IL1R2: variants seen among roughly 807,000 people sequenced by gnomAD.
IL1R2 encodes the protein interleukin 1 receptor type 2.
Under a neutral mutation model 39.5 loss-of-function variants are expected in IL1R2, and 46 were observed. The ratio of observed to expected loss-of-function variants is 1.16; its 90% CI spans 0.92 to 1.49. IL1R2 has a LOEUF of 1.49. Among genes scored for constraint, IL1R2 ranks in the 40% most tolerant of loss-of-function variants. The pLI, the probability that IL1R2 is intolerant of heterozygous loss-of-function variation, is 0.00. For synonymous variants in IL1R2, 207 were observed against 189.6 expected (o/e 1.09, Z -0.75); for missense variants, 537 against 502.0 (o/e 1.07, Z -0.67).
intron 3 of IL1R2, chr2:102,010,127 A>C: frequency 2.5e-6 from 1 of 393,184 alleles, no homozygotes; most frequent in South Asian, 3.2e-5. Context: ...AGATTTTCCC[A>C]TCTGACACAT....
chr2:102,001,502 A>G (rs550380191), intron 1 of IL1R2, among the ~76,000 whole-genome samples: 2 of 152,278 alleles, frequency 1.3e-5, no homozygotes, highest in East Asian at 1.9e-4. Flanking sequence ...ATTCTGACAC[A>G]GCTATGCAGA....
At position 102,007,623 on chromosome 2, in the gene IL1R2, A is replaced by G. The variant is rs535435675; in HGVS notation, c.-61-892A>G. Among the ~76,000 whole-genome samples, 13 of 152,360 alleles carry G rather than the reference A, an allele frequency of 8.5e-5. No individual in the cohort carries two copies. The East Asian group carries it at 2.5e-3, about 29-fold the overall frequency. The stretch of plus-strand genomic sequence containing the variant: ...TGCCCAGGAGAAAAAACATGGAATC[A>G]CAGAAAAAGCAGTCTGTGGTCTGTG... On this transcript the variant is annotated intron_variant, in intron 1 of 8. Transcript: ENST00000332549.
At chr2:102,023,922 T>G (rs1001002889) in intron 6 of IL1R2, among the ~76,000 whole-genome samples, 2 of 151,600 alleles carry the variant, frequency 1.3e-5, no homozygotes, top group Non-Finnish European at 2.9e-5. Flanking sequence ...TGGTGGCGGG[T>G]GCCCGGGTCC....
At chr2:101,996,909 CA>C (rs33964533) in intron 1 of IL1R2, among the ~76,000 whole-genome samples, 54,677 of 151,782 alleles carry the variant, frequency 0.36, 11,652 homozygotes, top group African/African-American at 0.58. Context: ...CCCACTAGGG[CA>C]GGGGAATTAA....
intron 1 of IL1R2, among the ~76,000 whole-genome samples, chr2:102,005,221 G>C (rs1676188832): frequency 6.6e-6 from 1 of 152,188 alleles, no homozygotes; most frequent in Non-Finnish European, 1.5e-5. Context: ...CTGACCCTGA[G>C]AGAATGTGAG....
Position 102,003,858 on chromosome 2 carries a change from T to G in IL1R2, c.-61-4657T>G, listed in dbSNP as rs546815494. On this transcript the variant is annotated intron_variant, in intron 1 of 8. Coordinates refer to ENST00000332549, the MANE Select transcript of IL1R2 (RefSeq NM_004633.4). ...GTCTGTGTCTGTGTCTGTGGCTGTG[T>G]CTGTGGCTGTGTCTGTGGTTGTGTT... 3.2e-4 allele frequency among the ~76,000 whole-genome samples: 48 copies of G among 151,304 alleles called. No homozygotes were observed. The South Asian group carries it at 5.2e-3, about 17-fold the overall frequency.
Position 102,015,989 on chromosome 2 carries a change from G to A in IL1R2, c.451G>A (p.Val151Ile). Residue 151 changes from valine (V) to isoleucine (I), a missense_variant, in exon 4 of 9, where the codon GTA becomes ATA. By Grantham distance (29) the Val-to-Ile change is conservative. Transcript: ENST00000332549. ...AACCTTGTCAACCTCTGGGGTATTA[G>A]TATGCCCTGACCTGAGTGAATTCAC... is the stretch of plus-strand genomic sequence containing the variant. ...ILTLSTSGVL[V>I]CPDLSEFTRD... is the part of the protein sequence containing the mutation. The A allele has an allele frequency of 6.2e-7, 1 of 1,613,890 alleles. No homozygotes were observed. Among genetic ancestry groups the A allele is most frequent in the African/African-American group, 1.3e-5 (1 of 75,038 alleles).
At chr2:101,996,953 G>T (rs1675621404) in intron 1 of IL1R2, among the ~76,000 whole-genome samples, 1 of 152,152 alleles carries the variant, frequency 6.6e-6, no homozygotes, top group Non-Finnish European at 1.5e-5. Flanking sequence ...GTCTGAGTCG[G>T]CTCAAATCTA....
At chr2:102,002,364 CT>C (rs1675914904) in intron 1 of IL1R2, among the ~76,000 whole-genome samples, 11 of 146,554 alleles carry the variant, frequency 7.5e-5, no homozygotes, top group Admixed American at 2.0e-4. Flanking sequence ...GTGTCTGTGT[CT>C]GTGTGTATGT....
At chr2:102,022,929 A>C (rs1241483137) in intron 6 of IL1R2, among the ~76,000 whole-genome samples, 1 of 152,196 alleles carries the variant, frequency 6.6e-6, no homozygotes, top group Non-Finnish European at 1.5e-5. Context: ...CAATCTCAAC[A>C]TAGACCCTGT....
chr2:102,015,672 T>C (rs1676948662), intron 3 of IL1R2, among the ~76,000 whole-genome samples, 199 bp from the exon 4 acceptor site: 1 of 152,224 alleles, frequency 6.6e-6, no homozygotes, highest in Non-Finnish European at 1.5e-5. Context: ...GTAGGGTTTC[T>C]ATTGAATGCT....
chr2:102,008,700 A>G, intron 2 of IL1R2, 58 bp downstream of exon 2: 1 of 1,425,374 alleles, frequency 7.0e-7, no homozygotes, highest in South Asian at 1.1e-5. Flanking sequence ...CTGGGGAAAG[A>G]TGTTATCTAG....
Position 102,009,590 on chromosome 2 carries a change from G to A in IL1R2, c.96G>A (p.Gly32=). 1 of 1,614,096 alleles carries A rather than the reference G, an allele frequency of 6.2e-7. No individual in the cohort carries two copies. Among genetic ancestry groups the A allele is most frequent in the Non-Finnish European group, 8.5e-7 (1 of 1,179,982 alleles). The change falls in exon 3 of 9, where the codon GGG becomes GGA. Residue 32 remains glycine (G), a synonymous_variant. Coordinates refer to ENST00000332549, the MANE Select transcript of IL1R2 (RefSeq NM_004633.4). ...TGAARSCRFR[G]RHYKREFRLE... ...CTGCCAGAAGCTGCCGGTTTCGTGG[G>A]AGGCATTACAAGCGGGAGTTCAGGC...
At chr2:102,022,034 G>A (rs1460275388) in intron 5 of IL1R2, 153 bp from the exon 6 acceptor site, 6 of 664,180 alleles carry the variant, frequency 9.0e-6, no homozygotes, top group South Asian at 3.6e-5. Flanking sequence ...ATTTTGTAGA[G>A]AGCCTGTTTC....
At chr2:102,000,788 A>G (rs189514281) in intron 1 of IL1R2, among the ~76,000 whole-genome samples, 11 of 152,314 alleles carry the variant, frequency 7.2e-5, no homozygotes, top group Admixed American at 5.9e-4. Context: ...GACCTTGGAC[A>G]AGTGACTTAA....
At chr2:102,026,077 C>T (rs759741038) in intron 7 of IL1R2, 34 bp from the exon 8 acceptor site, 1 of 1,525,100 alleles carries the variant, frequency 6.6e-7, no homozygotes, top group South Asian at 1.2e-5. Context: ...GCATTCGATA[C>T]AATCATAATT....
chr2:102,004,240 C>T (rs1676120973), intron 1 of IL1R2, among the ~76,000 whole-genome samples: 1 of 152,044 alleles, frequency 6.6e-6, no homozygotes, highest in African/African-American at 2.4e-5. Flanking sequence ...TCCTTTTAGG[C>T]TATATGTACT....
intron 4 of IL1R2, chr2:102,016,626 C>T (rs1677020686): frequency 6.6e-6 from 1 of 152,338 alleles, no homozygotes; most frequent in Non-Finnish European, 1.5e-5. Flanking sequence ...TGTGCGAGTA[C>T]TCTCTATGAC....
rs3218986 is a variant in IL1R2 at position 102,028,146 on chromosome 2, T to C, written c.1031-80T>C. ...AAAACAAACTCCAATTTCTTTCTTA[T>C]CTTGTACACCTGCATTGCCCTGTCC... On this transcript the variant is annotated intron_variant, in intron 8 of 8. Transcript: ENST00000332549. 2.2e-3 allele frequency: 2,663 copies of C among 1,215,504 alleles called. 51 individuals are homozygous for C. In the African/African-American group the frequency reaches 0.037, roughly 17 times the overall value. 75.3% of individuals were successfully genotyped at this position (1,215,504 alleles called of 1,614,324 possible).
Sources: allele counts gnomAD v4.1 joint callset (sites outside exome capture counted in the v4.1 genomes callset), GRCh38; gene constraint gnomAD v4.1.1; transcripts MANE v1.5; gene names NCBI Gene and HGNC (gene_info 2026-07-23, HGNC 2026-07-21).